The following MARCHF5 variants were observed in gnomAD, a reference collection of about 807,000 sequenced individuals.
MARCHF5 encodes membrane associated ring-CH-type finger 5, also known as E3 ubiquitin-protein ligase MARCHF5.
In MARCHF5, 5 loss-of-function variants were observed where a neutral mutation model predicts 36.5. That is an observed-to-expected ratio of 0.14 (90% CI 0.07 to 0.29). MARCHF5 has a LOEUF of 0.29. MARCHF5 is among the 10% of genes least tolerant of loss of function. The pLI, the probability that MARCHF5 is intolerant of heterozygous loss-of-function variation, is 1.00. For synonymous variants in MARCHF5, 103 were observed against 109.9 expected (o/e 0.94, Z 0.39); for missense variants, 179 against 336.3 (o/e 0.53, Z 3.66).
intron 2 of MARCHF5, among the ~76,000 whole-genome samples, chr10:92,323,368 C>A (rs746310072): frequency 6.6e-6 from 1 of 152,116 alleles, no homozygotes; most frequent in African/African-American, 2.4e-5. Flanking sequence ...TTACAGTCAG[C>A]GAACTTAAGT....
At chr10:92,332,039 T>C (rs901270834) in intron 2 of MARCHF5, among the ~76,000 whole-genome samples, 1 of 148,550 alleles carries the variant, frequency 6.7e-6, no homozygotes, top group Admixed American at 6.7e-5. Flanking sequence ...GTTGTTTGGG[T>C]TAGTTGGTTT....
At position 92,308,040 on chromosome 10, in the gene MARCHF5, A is replaced by G. The variant is rs192871673; in HGVS notation, c.36-3095A>G. Among the ~76,000 whole-genome samples, 830 of 150,574 alleles carry G rather than the reference A, an allele frequency of 5.5e-3. 9 individuals are homozygous for G. The highest frequency in any genetic ancestry group is 0.019 in the African/African-American group (790 of 40,940). Reference sequence around the variant, plus strand: ...ACTGCAAGCTCTGCCTCCTGGGTTCACACCATTCTCCTGCCTCAGCCTCCC... The same window carrying G: ...ACTGCAAGCTCTGCCTCCTGGGTTCGCACCATTCTCCTGCCTCAGCCTCCC... On this transcript the variant is annotated intron_variant, in intron 1 of 5. Transcript: ENST00000358935.
At position 92,349,691 on chromosome 10, in the gene MARCHF5, C is replaced by A. The variant is rs750982577; in HGVS notation, c.574C>A (p.Arg192=). 1.2e-6 allele frequency: 2 copies of A among 1,613,930 alleles called. No individual in the cohort carries two copies. The highest frequency in any genetic ancestry group is 1.7e-6 in the Non-Finnish European group (2 of 1,179,954). ...TCTAGGGATAGGTTGTCCTGTTCCT[C>A]GAATTCCAGCTGAGGCCAATCCTTT... ...IFPGIGCPVP[R]IPAEANPLAD... is the part of the protein sequence containing the mutation. The change falls in exon 5 of 6, where the codon CGA becomes AGA. Residue 192 remains arginine, a synonymous_variant. Transcript: ENST00000358935.
intron 2 of MARCHF5, among the ~76,000 whole-genome samples, chr10:92,318,271 A>G (rs1843239392): frequency 1.3e-5 from 2 of 151,604 alleles, no homozygotes; most frequent in African/African-American, 2.4e-5. Context: ...TACTAAAAAT[A>G]CAAAAAATTA....
At chr10:92,322,664 G>A (rs1843304488) in intron 2 of MARCHF5, among the ~76,000 whole-genome samples, 2 of 149,668 alleles carry the variant, frequency 1.3e-5, no homozygotes, top group African/African-American at 4.9e-5. Context: ...GTCCAGGCTG[G>A]TCTCATACTC....
chr10:92,342,244 G>T (rs1843589678), intron 3 of MARCHF5, among the ~76,000 whole-genome samples: 1 of 151,698 alleles, frequency 6.6e-6, no homozygotes, highest in Non-Finnish European at 1.5e-5. Flanking sequence ...TTACTCCTGG[G>T]CTCAAACGAT....
intron 1 of MARCHF5, among the ~76,000 whole-genome samples, chr10:92,307,979 C>T (rs1460665699): frequency 6.7e-6 from 1 of 149,088 alleles, no homozygotes; most frequent in Admixed American, 6.7e-5. Context: ...CTCACTCTGT[C>T]ACCCAGGCTG....
Position 92,343,585 on chromosome 10 carries a change from T to C in MARCHF5, c.369+2782T>C, listed in dbSNP as rs923811849. Among the ~76,000 whole-genome samples, 7 of 152,212 alleles carry C rather than the reference T, an allele frequency of 4.6e-5. No homozygotes were observed. In the East Asian group the frequency reaches 1.3e-3, roughly 29 times the overall value. ...GTGGTTTTGTTTTTTGTTTTTTTGT[T>C]TGAGACAGAGTTTCGCTCTTGTTGT... On this transcript the variant is annotated intron_variant, in intron 3 of 5. Transcript: ENST00000358935.
chr10:92,311,677 C>T (rs554543507), intron 2 of MARCHF5, among the ~76,000 whole-genome samples: 38 of 152,076 alleles, frequency 2.5e-4, no homozygotes, highest in African/African-American at 8.9e-4. Flanking sequence ...TATCTGGAGA[C>T]GGTGTAAGAG....
chr10:92,304,821 C>A (rs960336510), intron 1 of MARCHF5, among the ~76,000 whole-genome samples: 2 of 152,074 alleles, frequency 1.3e-5, no homozygotes, highest in Non-Finnish European at 2.9e-5. Flanking sequence ...TTTTCATGGA[C>A]CCCAGATTAA....
intron 2 of MARCHF5, among the ~76,000 whole-genome samples, chr10:92,339,937 TAAA>T (rs1445853047): frequency 6.6e-6 from 1 of 152,082 alleles, no homozygotes; most frequent in African/African-American, 2.4e-5. Flanking sequence ...TTCATAATCA[TAAA>T]AAGAAATTTG....
intron 3 of MARCHF5, among the ~76,000 whole-genome samples, chr10:92,347,956 G>T (rs1407859845): frequency 1.3e-5 from 2 of 152,146 alleles, no homozygotes; most frequent in African/African-American, 4.8e-5. Flanking sequence ...GCCGAGGCGG[G>T]TGGATCACCT....
intron 3 of MARCHF5, among the ~76,000 whole-genome samples, chr10:92,344,102 G>A (rs1266391617): frequency 1.3e-5 from 2 of 152,112 alleles, no homozygotes; most frequent in African/African-American, 2.4e-5. Flanking sequence ...TTTTAAGAAA[G>A]ATTTTTAGGC....
At chr10:92,345,147 G>T (rs1217408811) in intron 3 of MARCHF5, among the ~76,000 whole-genome samples, 2 of 150,624 alleles carry the variant, frequency 1.3e-5, no homozygotes, top group Non-Finnish European at 2.9e-5. Context: ...CTTAATTACA[G>T]TACTTACTTA....
intron 1 of MARCHF5, among the ~76,000 whole-genome samples, chr10:92,299,149 C>G (rs1177102940): frequency 6.6e-6 from 1 of 152,058 alleles, no homozygotes; most frequent in Non-Finnish European, 1.5e-5. Context: ...TGCCTTCTTT[C>G]CTTCCAGATC....
intron 3 of MARCHF5, 67 bp from the exon 4 acceptor site, chr10:92,349,282 T>C (rs1843690818): frequency 2.5e-6 from 3 of 1,189,490 alleles, no homozygotes; most frequent in African/African-American, 1.5e-5. Flanking sequence ...ATTAAAAAAA[T>C]AGAGCTTAAC....
intron 2 of MARCHF5, among the ~76,000 whole-genome samples, chr10:92,331,442 C>A (rs1447912091): frequency 6.6e-6 from 1 of 151,990 alleles, no homozygotes; most frequent in African/African-American, 2.4e-5. Context: ...CCCCCATAAT[C>A]TTTACCTAAA....
chr10:92,340,856 A>C, intron 3 of MARCHF5, 53 bp downstream of exon 3: 1 of 1,411,076 alleles, frequency 7.1e-7, no homozygotes. Context: ...ATCTATTAAA[A>C]CATTTTTTGT....
At chr10:92,318,632 GAA>G (rs1441176146) in intron 2 of MARCHF5, among the ~76,000 whole-genome samples, 1 of 145,060 alleles carries the variant, frequency 6.9e-6, no homozygotes, top group African/African-American at 2.5e-5. Flanking sequence ...AAGGGAGAGA[GAA>G]AGAACGGAAA....
Sources: allele counts gnomAD v4.1 joint callset (sites outside exome capture counted in the v4.1 genomes callset), GRCh38; gene constraint gnomAD v4.1.1; transcripts MANE v1.5; gene names NCBI Gene and HGNC (gene_info 2026-07-23, HGNC 2026-07-21).